The following MPI variants were observed in gnomAD, a reference collection of about 807,000 sequenced individuals.
The protein encoded by MPI is mannose-6-phosphate isomerase.
Under a neutral mutation model 40.1 loss-of-function variants are expected in MPI, and 33 were observed. The ratio of observed to expected loss-of-function variants is 0.82; its 90% CI spans 0.62 to 1.10. The LOEUF is 1.10. Among genes scored for constraint, MPI ranks in the 50% least tolerant of loss-of-function variants. The pLI is 0.00. For missense variants in MPI, 514 were observed against 524.1 expected, an observed-to-expected ratio of 0.98 and a Z score of 0.19; for synonymous variants, 187 against 207.4, an observed-to-expected ratio of 0.90 and a Z score of 0.85.
chr15:74,891,711 T>TC, intron 3 of MPI, 132 bp downstream of exon 3: 1 of 970,618 alleles, frequency 1.0e-6, no homozygotes, highest in Admixed American at 1.9e-5. Flanking sequence ...GGCTGACAAC[T>TC]CCCAATTTAG....
At chr15:74,893,546 T>C (rs2064758365) in intron 5 of MPI, 1 of 648,008 alleles carries the variant, frequency 1.5e-6, no homozygotes, top group Admixed American at 2.2e-5. Context: ...TCCAGATGGT[T>C]GGAGGCAGAC....
At position 74,890,525 on chromosome 15, in the gene MPI, A is replaced by G; in HGVS notation, c.17-2A>G. ...GGCAGCTGACCCTGTCTGTGCCCCT[A>G]GTATTCCCACTTTCCTGTGCGGTGC... On this transcript the variant is annotated splice_acceptor_variant, in intron 1 of 7. Coordinates refer to ENST00000352410, the MANE Select transcript of MPI (RefSeq NM_002435.3). LOFTEE classifies it high-confidence loss of function. 2 of 1,614,172 alleles carry G rather than the reference A, an allele frequency of 1.2e-6. No individual in the cohort carries two copies. Among genetic ancestry groups the G allele is most frequent in the Non-Finnish European group, 1.7e-6 (2 of 1,180,034 alleles).
intron 3 of MPI, among the ~76,000 whole-genome samples, chr15:74,891,852 A>G (rs2064731507): frequency 6.6e-6 from 1 of 151,984 alleles, no homozygotes. Flanking sequence ...CATCCAACCC[A>G]TGTCTATTCA....
intron 5 of MPI, among the ~76,000 whole-genome samples, chr15:74,894,084 GTGTGTGTGTGTGTGTGTGTGT>G (rs2064773410): frequency 3.2e-5 from 2 of 63,346 alleles, no homozygotes; most frequent in Admixed American, 3.5e-4. Flanking sequence ...GTGTGTGTGT[GTGTGTGTGTGTGTGTGTGTGT>G]GTGGTCTCTT....
In MPI at chr15:74,893,279, TG is replaced by T. The variant is rs1374119101; in HGVS notation, c.631del (p.Glu211AsnfsTer7). The T allele has an allele frequency of 1.9e-6, 3 of 1,614,082 alleles. No individual in the cohort carries two copies. The African/African-American group carries it at 4.0e-5, about 22-fold the overall frequency. On this transcript the variant is annotated frameshift_variant, in exon 5 of 8. Coordinates refer to ENST00000352410, the MANE Select transcript of MPI (RefSeq NM_002435.3). LOFTEE classifies it high-confidence loss of function. ...HLMKSEKKVV[V>X]EQLNLLVKRI... The stretch of plus-strand genomic sequence containing the variant: ...ATGAAGAGTGAGAAGAAGGTGGTGG[TG>T]GAACAGCTCAACCTGTTGGTGAAGC...
intron 5 of MPI, among the ~76,000 whole-genome samples, chr15:74,894,545 C>T (rs547036257): frequency 6.6e-6 from 1 of 151,514 alleles, no homozygotes; most frequent in Non-Finnish European, 1.5e-5. Flanking sequence ...CAAAAATTAG[C>T]CAGGCGAGGC....
At position 74,902,147 on chromosome 15, in the gene MPI, A is replaced by C. The variant is rs2064985761; in HGVS notation, c.*4417A>C. On this transcript the variant is annotated 3_prime_UTR_variant, in exon 8 of 8. Coordinates refer to ENST00000352410, the MANE Select transcript of MPI (RefSeq NM_002435.3). The stretch of plus-strand genomic sequence containing the variant: ...TCTTAGAGCTAGGAAGAATAGAGCA[A>C]ACGGAATTTCTCGAACTGGTCTCAA... 2.5e-6 allele frequency: 1 copy of C among 398,746 alleles called. No individual in the cohort carries two copies. Among genetic ancestry groups the C allele is most frequent in the East Asian group, 3.6e-5 (1 of 28,084 alleles). 24.7% of individuals were successfully genotyped at this position (398,746 alleles called of 1,614,324 possible).
chr15:74,894,364 G>C (rs2064785202), intron 5 of MPI, among the ~76,000 whole-genome samples: 2 of 151,654 alleles, frequency 1.3e-5, no homozygotes, highest in South Asian at 4.2e-4. Flanking sequence ...GATTACAGGT[G>C]TGAGCCACCA....
chr15:74,893,270 AGGTGGT>A lies in MPI; in HGVS notation c.626_631del (p.Val209_Val210del). 4 of 1,614,204 alleles carry A rather than the reference AGGTGGT, an allele frequency of 2.5e-6. No homozygotes were observed. Among genetic ancestry groups the A allele is most frequent in the Non-Finnish European group, 3.4e-6 (4 of 1,180,036 alleles). ...TCCCACCTGATGAAGAGTGAGAAGA[AGGTGGT>A]GGTGGAACAGCTCAACCTGTTGGTG... On this transcript the variant is annotated inframe_deletion, in exon 5 of 8. Transcript: ENST00000352410.
intron 5 of MPI, among the ~76,000 whole-genome samples, chr15:74,895,129 CTTTT>C (rs71140110): frequency 8.1e-5 from 9 of 110,580 alleles, no homozygotes; most frequent in South Asian, 5.8e-4. Context: ...CCACACCTGG[CTTTT>C]TTTTTTTTTT....
In MPI at chr15:74,894,039, AGTGTGTGTGTGTGTGTGTGTGTGTGTGT is replaced by A. The variant is rs1163375284; in HGVS notation, c.670+761_670+788del. On this transcript the variant is annotated intron_variant, in intron 5 of 7. Transcript: ENST00000352410. ...GACCCAAGCATATTTTTTTCTGTTC[AGTGTGTGTGTGTGTGTGTGTGTGTGTGT>A]GTGTGTGTGTGTGTGTGTGTGTGTG... 1.4e-3 allele frequency among the ~76,000 whole-genome samples: 78 copies of A among 57,048 alleles called. 2 individuals are homozygous for A. The highest frequency in any genetic ancestry group is 3.6e-3 in the African/African-American group (66 of 18,234). 37.4% of individuals were successfully genotyped at this position (57,048 alleles called of 152,430 possible).
intron 4 of MPI, 130 bp downstream of exon 4, chr15:74,892,932 G>A: frequency 1.3e-6 from 2 of 1,489,872 alleles, no homozygotes; most frequent in East Asian, 4.5e-5. Flanking sequence ...AGCAGTTTTT[G>A]GAGCCAGTGA....
rs767356390 is a variant in MPI at position 74,892,645 on chromosome 15, C to T, written c.346-16C>T. ...TGTACCCTCACCATCCTCCTCTTCCCCTGGCCACCCCACAGGAGCTGGCAG... is the reference window on the plus strand; with the variant it reads ...TGTACCCTCACCATCCTCCTCTTCCTCTGGCCACCCCACAGGAGCTGGCAG... On this transcript the variant is annotated splice_polypyrimidine_tract_variant and intron_variant, in intron 3 of 7. Transcript: ENST00000352410. The T allele has an allele frequency of 6.2e-7, 1 of 1,613,974 alleles. No homozygotes were observed. Among genetic ancestry groups the T allele is most frequent in the Non-Finnish European group, 8.5e-7 (1 of 1,180,028 alleles).
At position 74,897,000 on chromosome 15, in the gene MPI, T is replaced by C; in HGVS notation, c.845-11T>C. 6.2e-7 allele frequency: 1 copy of C among 1,613,928 alleles called. No individual in the cohort carries two copies. Among genetic ancestry groups the C allele is most frequent in the Non-Finnish European group, 8.5e-7 (1 of 1,179,848 alleles). ...CTTCATCAGCTTAGCACATGACGAC[T>C]GTCTCTCCAGACTGCGTGGAGTGCA... is the stretch of plus-strand genomic sequence containing the variant. On this transcript the variant is annotated splice_polypyrimidine_tract_variant and intron_variant, in intron 6 of 7. Coordinates refer to ENST00000352410, the MANE Select transcript of MPI (RefSeq NM_002435.3).
chr15:74,899,217 C>G lies in MPI; in HGVS notation c.*1487C>G, dbSNP rs2064869843. The G allele has an allele frequency of 6.6e-6, 1 of 152,194 alleles. No individual in the cohort carries two copies. Among genetic ancestry groups the G allele is most frequent in the African/African-American group, 2.4e-5 (1 of 41,444 alleles). The allele number at this position is 152,194 out of a possible 1,614,324, so 9.4% of individuals were successfully genotyped here. A position where few individuals can be genotyped will look rare whatever the true frequency, so the allele number is the denominator to read the frequency against. ...TGTCTGCTGCTGCTGAGGTTTCTGA[C>G]CTGCAATCGTAGATCCTGTCACCAC... On this transcript the variant is annotated 3_prime_UTR_variant, in exon 8 of 8. Transcript: ENST00000352410.
At chr15:74,891,996 C>CTT (rs796229708) in intron 3 of MPI, among the ~76,000 whole-genome samples, 1 of 146,584 alleles carries the variant, frequency 6.8e-6, no homozygotes. Context: ...ATCAAAACTC[C>CTT]TTTTTTTTTT....
chr15:74,897,408 G>A lies in MPI; in HGVS notation c.1054-104G>A, dbSNP rs1013421302. 1.3e-5 allele frequency: 18 copies of A among 1,341,068 alleles called. No individual in the cohort carries two copies. The African/African-American group carries it at 2.5e-4, about 18-fold the overall frequency. The allele number at this position is 1,341,068 out of a possible 1,614,324, so 83.1% of individuals were successfully genotyped here. The stretch of plus-strand genomic sequence containing the variant: ...TGCTGACTGAGCCTGGGTTGTGCGA[G>A]AAGGTGGCAGAGCTCTCCCTCGTGC... On this transcript the variant is annotated intron_variant, in intron 7 of 7. Transcript: ENST00000352410.
chr15:74,896,198 A>G lies in MPI; in HGVS notation c.717A>G (p.Leu239=). The part of the protein sequence containing the change: ...NMEDIFGELL[L]QLHQQYPGDI... Reference sequence around the variant, plus strand: ...AGGACATCTTTGGGGAGCTTTTGCTACAGCTGCACCAGCAGTACCCAGGTG... The same window carrying G: ...AGGACATCTTTGGGGAGCTTTTGCTGCAGCTGCACCAGCAGTACCCAGGTG... Residue 239 remains leucine, a synonymous_variant, in exon 6 of 8, where the codon CTA becomes CTG. Coordinates refer to ENST00000352410, the MANE Select transcript of MPI (RefSeq NM_002435.3). 6.2e-7 allele frequency: 1 copy of G among 1,614,166 alleles called. No homozygotes were observed. Among genetic ancestry groups the G allele is most frequent in the South Asian group, 1.1e-5 (1 of 91,078 alleles).
chr15:74,892,910 A>G (rs1202189761), intron 4 of MPI, 108 bp downstream of exon 4: 1 of 1,569,384 alleles, frequency 6.4e-7, no homozygotes, highest in Admixed American at 1.7e-5. Flanking sequence ...CAGGAACTGA[A>G]GGGCCTCATG....
Sources: allele counts gnomAD v4.1 joint callset (sites outside exome capture counted in the v4.1 genomes callset), GRCh38; gene constraint gnomAD v4.1.1; transcripts MANE v1.5; gene names NCBI Gene and HGNC (gene_info 2026-07-23, HGNC 2026-07-21).